CABP4: variants seen among roughly 807,000 people sequenced by gnomAD.
CABP4 encodes the protein calcium-binding protein 4.
A neutral mutation model predicts 30.7 loss-of-function variants in CABP4; 30 were observed. The observed-to-expected ratio is 0.98, with a 90% confidence interval of 0.73 to 1.33. The LOEUF is 1.33. Ranked by LOEUF, CABP4 falls within the 40% of genes most tolerant of loss-of-function variation. The probability of loss-of-function intolerance (pLI) is 0.00; values close to 1 mark genes in which losing one functional copy is unlikely to be tolerated. For synonymous variants in CABP4, 161 were observed against 159.2 expected (o/e 1.01, Z -0.08); for missense variants, 424 against 395.5 (o/e 1.07, Z -0.61).
chr11:67,454,474 T>A (rs1864684282), upstream of CABP4, among the ~76,000 whole-genome samples: 1 of 151,926 alleles, frequency 6.6e-6, no homozygotes, highest in Non-Finnish European at 1.5e-5. Context: ...CCCTGACCAG[T>A]GAGGCCTGGC....
In CABP4 at chr11:67,457,578, G is replaced by A. The variant is rs146764702; in HGVS notation, c.547G>A (p.Gly183Ser). The part of the protein sequence containing the change: ...VSQHIKMRMG[G>S]RVDFEEFVEL... The stretch of plus-strand genomic sequence containing the variant: ...CACTCTTCCTGGGTCTGCAGTGGGC[G>A]GCCGTGTGGACTTTGAGGAGTTTGT... Residue 183 changes from glycine to serine, a missense_variant, in exon 4 of 6, where the codon GGC becomes AGC. Physicochemically the swap from Gly to Ser is moderately conservative, Grantham distance 56. Transcript: ENST00000325656. The A allele has an allele frequency of 4.4e-6, 7 of 1,584,272 alleles. No homozygotes were observed. Among genetic ancestry groups the A allele is most frequent in the Middle Eastern group, 1.7e-4 (1 of 6,052 alleles).
chr11:67,459,594 T>A lies in CABP4; in HGVS notation c.*935T>A, dbSNP rs1864948151. On this transcript the variant is annotated 3_prime_UTR_variant, in exon 6 of 6. Coordinates refer to ENST00000325656, the MANE Select transcript of CABP4 (RefSeq NM_145200.5). The stretch of plus-strand genomic sequence containing the variant: ...CCTTCAAGCAGGCGTGTAGTCTCTC[T>A]CCAGGGTGTGAAAAACTGGAAAAAA... 1 of 152,106 alleles carries A rather than the reference T, an allele frequency of 6.6e-6. No individual in the cohort carries two copies. Among genetic ancestry groups the A allele is most frequent in the African/African-American group, 2.4e-5 (1 of 41,416 alleles). 9.4% of individuals were successfully genotyped at this position (152,106 alleles called of 1,614,324 possible). A position where few individuals can be genotyped will look rare whatever the true frequency, so the allele number is the denominator to read the frequency against.
upstream of CABP4, chr11:67,453,016 T>A: frequency 1.1e-5 from 2 of 182,450 alleles, no homozygotes; most frequent in Non-Finnish European, 2.0e-5. Context: ...TCTTTTCTTT[T>A]CTTTTTTTTT....
intron 4 of CABP4, among the ~76,000 whole-genome samples, chr11:67,457,932 C>G (rs1022437131): frequency 6.6e-5 from 10 of 152,074 alleles, no homozygotes; most frequent in African/African-American, 2.2e-4. Context: ...AGATGGTGGG[C>G]AGGGGAGCAT....
rs1565160630 is a variant in CABP4 at position 67,455,672 on chromosome 11, A to T, written c.249A>T (p.Ala83=). 6.2e-7 allele frequency: 1 copy of T among 1,605,746 alleles called. No homozygotes were observed. The highest frequency in any genetic ancestry group is 1.7e-5 in the Admixed American group (1 of 59,122). The part of the protein sequence containing the change: ...PPSTGEGPAG[A]PPASPGPASS... ...GCACTGGAGAGGGGCCGGCGGGCGC[A>T]CCCCCTGCATCCCCTGGGCCGGCCT... Residue 83 remains alanine (A), a synonymous_variant, in exon 1 of 6, where the codon GCA becomes GCT. Transcript: ENST00000325656.
chr11:67,458,566 T>G, intron 5 of CABP4, 48 bp downstream of exon 5: 2 of 1,614,110 alleles, frequency 1.2e-6, no homozygotes, highest in African/African-American at 1.3e-5. Flanking sequence ...GGGCCTAGGC[T>G]GAGCCCAGCA....
Position 67,458,573 on chromosome 11 carries a change from A to G in CABP4, c.799+55A>G. ...TGCTTCCAGGGCCTAGGCTGAGCCC[A>G]GCACCTCCTGGGATCCCTGACGTGG... On this transcript the variant is annotated intron_variant, in intron 5 of 5. Transcript: ENST00000325656. The G allele has an allele frequency of 6.2e-6, 10 of 1,614,144 alleles. No individual in the cohort carries two copies. The South Asian group carries it at 9.9e-5, about 16-fold the overall frequency.
In CABP4 at chr11:67,457,687, G is replaced by A. The variant is rs377174577; in HGVS notation, c.651+5G>A. The stretch of plus-strand genomic sequence containing the variant: ...CTGCGCATCGCCTTCCGAGAGGTGC[G>A]GAGTGTGGTGAGGTGGGCAGAGGGG... On this transcript the variant is annotated splice_donor_5th_base_variant and intron_variant, in intron 4 of 5. Coordinates refer to ENST00000325656, the MANE Select transcript of CABP4 (RefSeq NM_145200.5). 3.1e-5 allele frequency: 49 copies of A among 1,572,542 alleles called. No individual in the cohort carries two copies. The highest frequency in any genetic ancestry group is 7.5e-5 in the Admixed American group (4 of 53,492).
chr11:67,453,661 CAAAAAAAAAA>C (rs35233047), upstream of CABP4: 1 of 114,376 alleles, frequency 8.7e-6, no homozygotes, highest in Non-Finnish European at 1.7e-5. Flanking sequence ...AACTCTGTCT[CAAAAAAAAAA>C]AAAAAAAAAG....
chr11:67,455,783 C>T lies in CABP4; in HGVS notation c.360C>T (p.Phe120=), dbSNP rs192900242. ...RTYGPLLNRV[F]GKDRELGPEE... is the part of the protein sequence containing the mutation. ...ACGGGCCCCTGCTCAATCGAGTCTT[C>T]GGGAAGGTTAGGTGGGACCTGGATT... Residue 120 remains phenylalanine (F), a synonymous_variant, in exon 1 of 6, where the codon TTC becomes TTT. Coordinates refer to ENST00000325656, the MANE Select transcript of CABP4 (RefSeq NM_145200.5). The T allele has an allele frequency of 5.2e-3, 8,131 of 1,572,306 alleles. 34 individuals carry two copies. Among genetic ancestry groups the T allele is most frequent in the Non-Finnish European group, 6.4e-3 (7,411 of 1,159,522 alleles).
chr11:67,454,284 G>A (rs959890683), upstream of CABP4, among the ~76,000 whole-genome samples: 7 of 152,170 alleles, frequency 4.6e-5, no homozygotes, highest in African/African-American at 1.7e-4. Flanking sequence ...CCAGGTGGTG[G>A]TATAGTCTGG....
At position 67,458,406 on chromosome 11, in the gene CABP4, G is replaced by A. The variant is rs774788112; in HGVS notation, c.687G>A (p.Ala229=). ...DRDRDGRITV[A]ELREAVPALL... is the part of the protein sequence containing the mutation. ...ACAGGGATGGACGAATTACGGTGGC[G>A]GAGCTGCGGGAGGCGGTACCGGCTC... The change falls in exon 5 of 6, where the codon GCG becomes GCA. Residue 229 remains alanine (A), a synonymous_variant. Coordinates refer to ENST00000325656, the MANE Select transcript of CABP4 (RefSeq NM_145200.5). 8.7e-6 allele frequency: 14 copies of A among 1,613,350 alleles called. No homozygotes were observed. The highest frequency in any genetic ancestry group is 8.0e-5 in the African/African-American group (6 of 74,918).
rs568970047 is a variant in CABP4 at position 67,456,365 on chromosome 11, G to A, written c.464G>A (p.Gly155Asp). 30 of 1,613,770 alleles carry A rather than the reference G, an allele frequency of 1.9e-5. No homozygotes were observed. The East Asian group carries it at 6.2e-4, about 34-fold the overall frequency. Residue 155 changes from glycine to aspartate, a missense_variant, in exon 3 of 6, where the codon GGT (glycine) becomes GAT (aspartate). Gly to Asp is a moderately conservative substitution (Grantham distance 94, BLOSUM62 -1). Transcript: ENST00000325656. ...RDGYISHREL[G>D]DCMRTLGYMP... ...GGCTACATCAGCCACCGGGAGCTGG[G>A]TGACTGCATGCGGACCCTGGGCTAC...
rs17501521 is a variant in CABP4 at position 67,457,517 on chromosome 11, C to T, written c.542-56C>T. The T allele has an allele frequency of 0.32, 471,867 of 1,467,236 alleles. 81,411 individuals carry two copies. The highest frequency in any genetic ancestry group is 0.37 in the Non-Finnish European group (390,776 of 1,069,860). 90.9% of individuals were successfully genotyped at this position (1,467,236 alleles called of 1,614,324 possible). A position where few individuals can be genotyped will look rare whatever the true frequency, so the allele number is the denominator to read the frequency against. On this transcript the variant is annotated intron_variant, in intron 3 of 5. Coordinates refer to ENST00000325656, the MANE Select transcript of CABP4 (RefSeq NM_145200.5). The stretch of plus-strand genomic sequence containing the variant: ...GGTGCCTGGCCTGTGGGATGTCCCT[C>T]CTTGGGCTTCAGACCTTATGCCCTC...
chr11:67,457,523 G>A (rs1441117640), intron 3 of CABP4, 50 bp from the exon 4 acceptor site: 1 of 1,499,510 alleles, frequency 6.7e-7, no homozygotes, highest in Non-Finnish European at 9.1e-7. Flanking sequence ...CCCTCCTTGG[G>A]CTTCAGACCT....
In CABP4 at chr11:67,459,051, T is replaced by TC. The variant is rs1385748058; in HGVS notation, c.*392_*393insC. On this transcript the variant is annotated 3_prime_UTR_variant, in exon 6 of 6. Coordinates refer to ENST00000325656, the MANE Select transcript of CABP4 (RefSeq NM_145200.5). Reference sequence around the variant, plus strand: ...ACTTATGTTTATAATTTTTTTTTTTTTTAATGAACTTGAGCCGGGTGCAGT... The same window carrying TC: ...ACTTATGTTTATAATTTTTTTTTTTTCTTAATGAACTTGAGCCGGGTGCAGT... 3.0e-5 allele frequency: 8 copies of TC among 266,680 alleles called. No individual in the cohort carries two copies. Among genetic ancestry groups the TC allele is most frequent in the African/African-American group, 1.6e-4 (7 of 45,112 alleles). 16.5% of individuals were successfully genotyped at this position (266,680 alleles called of 1,614,324 possible).
chr11:67,454,916 G>T (rs578119667), upstream of CABP4, among the ~76,000 whole-genome samples: 1 of 152,240 alleles, frequency 6.6e-6, no homozygotes, highest in African/African-American at 2.4e-5. Flanking sequence ...TCACCCATGG[G>T]GGGGCCCCAG....
Position 67,460,516 on chromosome 11 carries a change from TACACACACAC to T in CABP4, c.*1875_*1884del, listed in dbSNP as rs35146220. ...AAAAAAATAAAGTATATTTTATATA[TACACACACAC>T]ACACACACACACACACAGCCATTGG... On this transcript the variant is annotated 3_prime_UTR_variant, in exon 6 of 6. Transcript: ENST00000325656. 1.4e-4 allele frequency among the ~76,000 whole-genome samples: 21 copies of T among 149,380 alleles called. No individual in the cohort carries two copies. Among genetic ancestry groups the T allele is most frequent in the Admixed American group, 1.0e-3 (15 of 14,882 alleles).
At chr11:67,456,583 G>C (rs982067151) in intron 3 of CABP4, 141 bp downstream of exon 3, 19 of 1,098,190 alleles carry the variant, frequency 1.7e-5, no homozygotes, top group Middle Eastern at 2.8e-4. Flanking sequence ...GGGGCACCGG[G>C]TTCAAGCTCC....
Sources: gnomAD v4.1 joint callset for allele counts (sites outside exome capture counted in the v4.1 genomes callset) on GRCh38, gnomAD v4.1.1 for gene constraint, MANE v1.5 for transcripts, NCBI Gene and HGNC (gene_info 2026-07-23, HGNC 2026-07-21) for gene names.